EVA1C: variants seen among roughly 807,000 people sequenced by gnomAD.
EVA1C encodes protein eva-1 homolog C.
Under a neutral mutation model 45.4 loss-of-function variants are expected in EVA1C, and 25 were observed. That is an observed-to-expected ratio of 0.55 (90% CI 0.40 to 0.77). The LOEUF is 0.77. EVA1C is among the 30% of genes least tolerant of loss of function. The pLI, the probability that EVA1C is intolerant of heterozygous loss-of-function variation, is 0.00. For synonymous variants in EVA1C, 190 were observed against 221.2 expected (o/e 0.86, Z 1.25); for missense variants, 479 against 554.8 (o/e 0.86, Z 1.37).
chr21:32,427,489 A>C (rs563128435), intron 1 of EVA1C, among the ~76,000 whole-genome samples: 12 of 152,120 alleles, frequency 7.9e-5, no homozygotes, highest in African/African-American at 2.9e-4. Flanking sequence ...CTGAGGCGGA[A>C]AGATCACGAG....
In EVA1C at chr21:32,467,858, T is replaced by G. The variant is rs149993764; in HGVS notation, c.634+10T>G. The G allele has an allele frequency of 0.015, 24,655 of 1,598,304 alleles. 272 individuals are homozygous for G. The highest frequency in any genetic ancestry group is 0.016 in the Non-Finnish European group (19,170 of 1,174,114). ...CGGCTCCCCCCTTTCGGTATGTGCT[T>G]TTGTGTGTGTATTAGCCAGGGTTCT... is the stretch of plus-strand genomic sequence containing the variant. On this transcript the variant is annotated intron_variant, in intron 4 of 7. Transcript: ENST00000300255.
chr21:32,427,451 A>G (rs1457770213), intron 1 of EVA1C, among the ~76,000 whole-genome samples: 2 of 152,184 alleles, frequency 1.3e-5, no homozygotes, highest in African/African-American at 4.8e-5. Context: ...GTGGTGGCTC[A>G]TGCTTGTAAT....
intron 7 of EVA1C, among the ~76,000 whole-genome samples, chr21:32,504,968 G>A (rs1281601146): frequency 6.6e-6 from 1 of 151,998 alleles, no homozygotes; most frequent in Non-Finnish European, 1.5e-5. Flanking sequence ...GTCTTACTTG[G>A]TAGCAGGCAA....
rs536813224 is a variant in EVA1C at position 32,430,036 on chromosome 21, A to G, written c.160+17023A>G. Among the ~76,000 whole-genome samples the G allele has an allele frequency of 8.5e-5, 13 of 152,332 alleles. No homozygotes were observed. The South Asian group carries it at 1.9e-3, about 22-fold the overall frequency. Reference sequence around the variant, plus strand: ...GTGGCCTGAGGCCACGACTCTGGGCAGTACAGCTTTAGGTGAGACTAGGGC... The same window carrying G: ...GTGGCCTGAGGCCACGACTCTGGGCGGTACAGCTTTAGGTGAGACTAGGGC... On this transcript the variant is annotated intron_variant, in intron 1 of 7. Transcript: ENST00000300255.
intron 3 of EVA1C, among the ~76,000 whole-genome samples, chr21:32,459,668 C>G (rs2035923989): frequency 6.6e-6 from 1 of 151,856 alleles, no homozygotes; most frequent in Non-Finnish European, 1.5e-5. Context: ...ATGGAGAAAC[C>G]CCGTCTCTAC....
intron 3 of EVA1C, among the ~76,000 whole-genome samples, chr21:32,462,275 T>A (rs939657871): frequency 1.3e-5 from 2 of 149,996 alleles, no homozygotes; most frequent in African/African-American, 4.9e-5. Context: ...GCACCTGCAG[T>A]CCTAGCCACT....
At chr21:32,479,859 T>C (rs1486341539) in intron 4 of EVA1C, among the ~76,000 whole-genome samples, 1 of 150,766 alleles carries the variant, frequency 6.6e-6, no homozygotes. Flanking sequence ...TTTTTTTTTT[T>C]CTTCTTCTGT....
At chr21:32,464,877 G>A (rs558557967) in intron 3 of EVA1C, among the ~76,000 whole-genome samples, 1 of 152,248 alleles carries the variant, frequency 6.6e-6, no homozygotes, top group South Asian at 2.1e-4. Context: ...CATTTTTTAA[G>A]TTTGGAGCTT....
At chr21:32,468,037 A>T in intron 4 of EVA1C, 189 bp downstream of exon 4, 3 of 292,662 alleles carry the variant, frequency 1.0e-5, no homozygotes, top group Non-Finnish European at 1.8e-5. Context: ...TATATATATA[A>T]ATGCTTGTAA....
Position 32,412,983 on chromosome 21 carries a change from A to G in EVA1C, c.130A>G (p.Lys44Glu), listed in dbSNP as rs755937301. ...CTACTGCACTGTCCTGGTCTGCTCCAAAGAGATCTCAGCGCTCACCGACTT... is the reference window on the plus strand; with the variant it reads ...CTACTGCACTGTCCTGGTCTGCTCCGAAGAGATCTCAGCGCTCACCGACTT... The part of the protein sequence containing the change: ...LFYCTVLVCS[K>E]EISALTDFSG... The change falls in exon 1 of 8, where the codon AAA (lysine) becomes GAA (glutamate). Residue 44 changes from lysine (K) to glutamate (E), a missense_variant. Lys to Glu is a moderately conservative substitution (Grantham distance 56). Coordinates refer to ENST00000300255, the MANE Select transcript of EVA1C (RefSeq NM_058187.5). The G allele has an allele frequency of 1.3e-6, 2 of 1,490,474 alleles. No individual in the cohort carries two copies. The highest frequency in any genetic ancestry group is 2.3e-5 in the Admixed American group (1 of 43,658). 92.3% of individuals were successfully genotyped at this position (1,490,474 alleles called of 1,614,324 possible).
intron 1 of EVA1C, among the ~76,000 whole-genome samples, chr21:32,441,008 A>G (rs1463330644): frequency 6.6e-6 from 1 of 152,230 alleles, no homozygotes; most frequent in East Asian, 1.9e-4. Flanking sequence ...AGGCTGAGGC[A>G]AGAGAATCGC....
chr21:32,422,269 A>AT (rs1280630259), intron 1 of EVA1C, among the ~76,000 whole-genome samples: 2 of 152,178 alleles, frequency 1.3e-5, no homozygotes, highest in African/African-American at 4.8e-5. Context: ...TGGAAAAAAA[A>AT]GCTGGAGAAA....
intron 1 of EVA1C, among the ~76,000 whole-genome samples, chr21:32,438,490 A>AC (rs1358218631): frequency 2.7e-5 from 4 of 150,288 alleles, no homozygotes; most frequent in African/African-American, 9.8e-5. Context: ...CTGTCTCAAA[A>AC]AAAAAAAAAA....
chr21:32,456,183 C>T (rs1348024799), intron 2 of EVA1C, among the ~76,000 whole-genome samples: 4 of 147,678 alleles, frequency 2.7e-5, no homozygotes, highest in South Asian at 2.2e-4. Flanking sequence ...TGAGCCACCG[C>T]GCCCAGCCTT....
chr21:32,432,767 C>T (rs546486671), intron 1 of EVA1C, among the ~76,000 whole-genome samples: 1 of 152,314 alleles, frequency 6.6e-6, no homozygotes, highest in African/African-American at 2.4e-5. Flanking sequence ...GTTGCCCAGG[C>T]TGGAGTGCAG....
intron 1 of EVA1C, among the ~76,000 whole-genome samples, chr21:32,438,515 C>T (rs201820617): frequency 1.1e-3 from 136 of 128,526 alleles, no homozygotes; most frequent in African/African-American, 4.0e-3. Context: ...AAAACCAAAA[C>T]GACCAAGAAA....
upstream of EVA1C, chr21:32,412,574 C>A (rs2033859318): frequency 5.7e-6 from 2 of 352,140 alleles, no homozygotes; most frequent in Non-Finnish European, 1.0e-5. Context: ...GCCCCCCTCG[C>A]TTCCTCCGGC....
At chr21:32,428,555 A>C (rs1377429069) in intron 1 of EVA1C, 2 of 152,244 alleles carry the variant, frequency 1.3e-5, no homozygotes, top group Non-Finnish European at 2.9e-5. Flanking sequence ...AACCAATCCC[A>C]AACTGCACCC....
At position 32,449,190 on chromosome 21, in the gene EVA1C, T is replaced by A. The variant is rs528013470; in HGVS notation, c.161-4122T>A. On this transcript the variant is annotated intron_variant, in intron 1 of 7. Transcript: ENST00000300255. ...TCAAACCTGAGTGCGATATTTGTCA[T>A]AATCAATAAACCTACATTGACAAAT... Among the ~76,000 whole-genome samples, 36 of 152,328 alleles carry A rather than the reference T, an allele frequency of 2.4e-4. No homozygotes were observed. The South Asian group carries it at 6.8e-3, about 29-fold the overall frequency.
Sources: gnomAD v4.1 joint callset for allele counts (sites outside exome capture counted in the v4.1 genomes callset) on GRCh38, gnomAD v4.1.1 for gene constraint, MANE v1.5 for transcripts, NCBI Gene and HGNC (gene_info 2026-07-23, HGNC 2026-07-21) for gene names.